The following OPRM1 variants were observed in gnomAD, a reference collection of about 807,000 sequenced individuals.
The protein encoded by OPRM1 is opioid receptor mu 1.
In OPRM1, 27 loss-of-function variants were observed where a neutral mutation model predicts 31.8. The ratio of observed to expected loss-of-function variants is 0.85; its 90% confidence interval spans 0.63 to 1.17. The LOEUF (loss-of-function observed/expected upper bound fraction) is 1.17. Ranked by LOEUF, OPRM1 falls within the 50% of genes most tolerant of loss-of-function variation. The pLI is 0.00. For synonymous variants in OPRM1, 196 were observed against 189.9 expected (o/e 1.03, Z -0.26); for missense variants, 536 against 511.1 (o/e 1.05, Z -0.47).
Position 154,090,187 on chromosome 6 carries a change from T to C in OPRM1, c.643+9T>C, listed in dbSNP as rs772065126. 5.7e-6 allele frequency: 9 copies of C among 1,587,430 alleles called. No individual in the cohort carries two copies. Among genetic ancestry groups the C allele is most frequent in the Middle Eastern group, 1.7e-4 (1 of 6,012 alleles). ...AACAAAATACAGGCAAGGTGAGTGATGTTACCAGCCTGAGGGAAGGAGGGT... is the reference window on the plus strand; with the variant it reads ...AACAAAATACAGGCAAGGTGAGTGACGTTACCAGCCTGAGGGAAGGAGGGT... On this transcript the variant is annotated intron_variant, in intron 2 of 3. Transcript: ENST00000330432.
intron 3 of OPRM1, among the ~76,000 whole-genome samples, chr6:154,204,993 T>C (rs71567970): frequency 0.11 from 17,272 of 152,138 alleles, 1,595 homozygotes; most frequent in African/African-American, 0.25. Flanking sequence ...CCAGAAAGGC[T>C]TCCCTGTGGA....
At chr6:154,223,260 C>G in intron 3 of OPRM1, 1 of 1,593,516 alleles carries the variant, frequency 6.3e-7, no homozygotes, top group South Asian at 1.1e-5. Flanking sequence ...CAAATATATA[C>G]CACAAATAGG....
At chr6:154,132,755 T>C (rs1797955837), downstream of OPRM1, among the ~76,000 whole-genome samples, 1 of 152,174 alleles carries the variant, frequency 6.6e-6, no homozygotes, top group Admixed American at 6.5e-5. Flanking sequence ...TAAGGTGAAA[T>C]TCAGAGCATG....
intron 1 of OPRM1, among the ~76,000 whole-genome samples, chr6:154,064,113 G>A (rs1202770428): frequency 2.0e-5 from 3 of 151,940 alleles, no homozygotes; most frequent in East Asian, 1.9e-4. Context: ...GGTCCTATAC[G>A]TTCTTCATAT....
Position 154,024,374 on chromosome 6 carries a change from A to T in OPRM1, c.-1+13356A>T, listed in dbSNP as rs554994990. ...ATTACCTTTGAATTTCTGCAGTATC[A>T]GTTCTAATGTCTTCTCTTTCATTAT... On this transcript the variant is annotated intron_variant, in intron 1 of 5. Coordinates refer to the OPRM1 transcript ENST00000434900. 1.3e-4 allele frequency among the ~76,000 whole-genome samples: 20 copies of T among 152,126 alleles called. No homozygotes were observed. The South Asian group carries it at 3.9e-3, about 30-fold the overall frequency.
At chr6:154,098,975 A>G (rs1171638327) in intron 3 of OPRM1, among the ~76,000 whole-genome samples, 1 of 152,054 alleles carries the variant, frequency 6.6e-6, no homozygotes, top group East Asian at 1.9e-4. Flanking sequence ...ACTTTTCATG[A>G]TGAAGAAAAA....
rs1229554732 is a variant in OPRM1, at chr6:154,119,915, A to G, written c.*1194A>G. On this transcript the variant is annotated 3_prime_UTR_variant, in exon 4 of 4. Coordinates refer to ENST00000330432, the MANE Select transcript of OPRM1 (RefSeq NM_000914.5). ...TTTTTGATCTCTGCTAAATGTCAAGATTTCCTTTGTAAAGTGTCGATCTTC... is the reference window on the plus strand; with the variant it reads ...TTTTTGATCTCTGCTAAATGTCAAGGTTTCCTTTGTAAAGTGTCGATCTTC... 6.6e-6 allele frequency among the ~76,000 whole-genome samples: 1 copy of G among 152,150 alleles called. No homozygotes were observed. Among genetic ancestry groups the G allele is most frequent in the Non-Finnish European group, 1.5e-5 (1 of 68,018 alleles).
At position 154,206,426 on chromosome 6, in the gene OPRM1, C is replaced by T. The variant is rs138446101; in HGVS notation, c.1165-40267C>T. Among the ~76,000 whole-genome samples the T allele has an allele frequency of 5.9e-5, 9 of 152,336 alleles. No homozygotes were observed. The East Asian group carries it at 1.5e-3, about 26-fold the overall frequency. On this transcript the variant is annotated intron_variant, in intron 3 of 3. Coordinates refer to the OPRM1 transcript ENST00000337049. ...TGGATGAAGTCACAATAATCACTCACCCATCCATCTGTCCATTAAATGTTT... is the reference window on the plus strand; with the variant it reads ...TGGATGAAGTCACAATAATCACTCATCCATCCATCTGTCCATTAAATGTTT...
intron 1 of OPRM1, among the ~76,000 whole-genome samples, chr6:154,089,583 T>G (rs1583473430): frequency 2.3e-5 from 1 of 43,626 alleles, no homozygotes; most frequent in African/African-American, 1.6e-4. Context: ...CAAGATCCTA[T>G]CCAAAAAAAA....
chr6:154,078,770 T>C (rs899964472), intron 1 of OPRM1, among the ~76,000 whole-genome samples: 2 of 151,982 alleles, frequency 1.3e-5, no homozygotes, highest in Non-Finnish European at 2.9e-5. Context: ...TCCCAGCTAC[T>C]TGGGAGGCTG....
chr6:154,115,897 C>T (rs1022138778), intron 3 of OPRM1, among the ~76,000 whole-genome samples: 25 of 152,190 alleles, frequency 1.6e-4, no homozygotes, highest in African/African-American at 5.5e-4. Flanking sequence ...GGCGATCATC[C>T]GATCATTCCC....
At position 154,153,340 on chromosome 6, in the gene OPRM1, T is replaced by C. The variant is rs540152011; in HGVS notation, c.1164+61868T>C. ...GGCTGCAAATCAACTGACCTTCAAA[T>C]AGATTCACCTGGATTATCCAGGTGA... is the stretch of plus-strand genomic sequence containing the variant. On this transcript the variant is annotated intron_variant, in intron 3 of 3. Coordinates refer to the OPRM1 transcript ENST00000337049. Among the ~76,000 whole-genome samples the C allele has an allele frequency of 5.9e-5, 9 of 152,260 alleles. No individual in the cohort carries two copies. In the East Asian group the frequency reaches 1.7e-3, roughly 29 times the overall value.
At chr6:154,241,740 C>T (rs1239588982) in intron 3 of OPRM1, among the ~76,000 whole-genome samples, 1 of 152,200 alleles carries the variant, frequency 6.6e-6, no homozygotes, top group African/African-American at 2.4e-5. Context: ...TCCAAAACAT[C>T]CAATCTATTG....
chr6:154,068,921 C>T (rs1374249408), intron 1 of OPRM1, among the ~76,000 whole-genome samples: 1 of 152,164 alleles, frequency 6.6e-6, no homozygotes, highest in African/African-American at 2.4e-5. Flanking sequence ...GCTGATATCT[C>T]ATTGTAGTTT....
chr6:154,029,815 AG>A (rs1196264194), intron 1 of OPRM1, among the ~76,000 whole-genome samples: 1 of 152,042 alleles, frequency 6.6e-6, no homozygotes, highest in African/African-American at 2.4e-5. Context: ...GTTTTATAGG[AG>A]GGTTTTTCCC....
intron 3 of OPRM1, among the ~76,000 whole-genome samples, chr6:154,143,322 A>G (rs1174097804): frequency 6.6e-6 from 1 of 152,088 alleles, no homozygotes; most frequent in African/African-American, 2.4e-5. Flanking sequence ...ATCTATACCG[A>G]TACCTCAAAA....
intron 3 of OPRM1, among the ~76,000 whole-genome samples, chr6:154,191,661 G>A (rs987548380): frequency 3.5e-5 from 5 of 143,932 alleles, no homozygotes; most frequent in African/African-American, 1.3e-4. Flanking sequence ...GTGACAGAGT[G>A]AGACTTTGCC....
intron 3 of OPRM1, chr6:154,199,942 A>C (rs762062923): frequency 1.9e-6 from 3 of 1,614,212 alleles, no homozygotes; most frequent in Non-Finnish European, 1.7e-6. Context: ...ATAAGGAGGA[A>C]GGAAAACTGC....
chr6:154,202,770 C>A (rs1336764177), intron 3 of OPRM1, among the ~76,000 whole-genome samples: 2 of 152,082 alleles, frequency 1.3e-5, no homozygotes, highest in African/African-American at 4.8e-5. Context: ...ATGACTCAAA[C>A]ACAGTGCAAA....
Sources: allele counts gnomAD v4.1 joint callset (sites outside exome capture counted in the v4.1 genomes callset), GRCh38; gene constraint gnomAD v4.1.1; transcripts MANE v1.5; gene names NCBI Gene and HGNC (gene_info 2026-07-23, HGNC 2026-07-21).